The following NEBL variants were observed in gnomAD, a reference collection of about 807,000 sequenced individuals.
The protein encoded by NEBL is LIM and SH3 protein 2.
In NEBL, 122 loss-of-function variants were observed where a neutral mutation model predicts 140.2. The observed-to-expected ratio is 0.87, with a 90% CI of 0.75 to 1.01. The LOEUF (loss-of-function observed/expected upper bound fraction) is 1.01. Among genes scored for constraint, NEBL ranks in the 50% least tolerant of loss-of-function variants. The pLI, the probability that NEBL is intolerant of heterozygous loss-of-function variation, is 0.00. For missense variants in NEBL, 1,365 were observed against 1,231.3 expected, an observed-to-expected ratio of 1.11 and a Z score of -1.62; for synonymous variants, 436 against 398.9, an observed-to-expected ratio of 1.09 and a Z score of -1.11.
intron 2 of NEBL, among the ~76,000 whole-genome samples, chr10:21,076,444 C>CAAAAAAAA (rs56013237): frequency 3.4e-4 from 17 of 50,068 alleles, no homozygotes; most frequent in Admixed American, 8.5e-4. Context: ...GACTCAGTTT[C>CAAAAAAAA]AAAAAAAAAA....
At chr10:21,177,215 G>A (rs1841314532), upstream of NEBL, among the ~76,000 whole-genome samples, 2 of 152,328 alleles carry the variant, frequency 1.3e-5, no homozygotes, top group East Asian at 3.9e-4. Flanking sequence ...GTTTGCCCCT[G>A]TTCTCCCACC....
At chr10:21,203,517 T>C (rs1841776027) in intron 3 of NEBL, among the ~76,000 whole-genome samples, 1 of 152,218 alleles carries the variant, frequency 6.6e-6, no homozygotes, top group African/African-American at 2.4e-5. Flanking sequence ...ATTTTCTATT[T>C]TGGTGGAACA....
At chr10:20,817,775 A>G in intron 20 of NEBL, 83 bp from the exon 21 acceptor site, 5 of 1,132,264 alleles carry the variant, frequency 4.4e-6, no homozygotes, top group African/African-American at 1.5e-5. Flanking sequence ...CAAAATTAGC[A>G]CCATCTTTTT....
Position 20,932,008 on chromosome 10 carries a change from A to G in NEBL, c.357+29664T>C, listed in dbSNP as rs375086562. On this transcript the variant is annotated intron_variant, in intron 4 of 6. Transcript: ENST00000417816. ...AACTGGCCACACCACTCACCCATTT[A>G]CTAGAAACAATATTCTAGGAGACAT... Among the ~76,000 whole-genome samples, 17 of 152,324 alleles carry G rather than the reference A, an allele frequency of 1.1e-4. 1 individual carries two copies. In the East Asian group the frequency reaches 2.9e-3, roughly 26 times the overall value.
At chr10:21,070,824 T>C (rs117148880) in intron 2 of NEBL, among the ~76,000 whole-genome samples, 5 of 152,310 alleles carry the variant, frequency 3.3e-5, no homozygotes, top group Middle Eastern at 3.4e-3. Flanking sequence ...TAAACTGGCA[T>C]ACATGTCTAA....
chr10:21,019,330 A>G (rs757424183), intron 3 of NEBL, among the ~76,000 whole-genome samples: 1 of 152,244 alleles, frequency 6.6e-6, no homozygotes, highest in Non-Finnish European at 1.5e-5. Flanking sequence ...GGCCACAGCC[A>G]ATGAACAGAT....
chr10:21,228,648 G>C (rs1842204713), intron 3 of NEBL, among the ~76,000 whole-genome samples: 1 of 152,024 alleles, frequency 6.6e-6, no homozygotes, highest in African/African-American at 2.4e-5. Flanking sequence ...AATAAAAACA[G>C]TCATTTTTAA....
intron 3 of NEBL, among the ~76,000 whole-genome samples, chr10:20,982,919 G>C (rs1049162094): frequency 2.6e-5 from 4 of 152,118 alleles, no homozygotes; most frequent in South Asian, 4.1e-4. Context: ...TATTTAAATT[G>C]ATCACAGTAA....
intron 4 of NEBL, among the ~76,000 whole-genome samples, chr10:20,948,887 C>A (rs957502413): frequency 2.0e-5 from 3 of 152,182 alleles, no homozygotes; most frequent in African/African-American, 7.2e-5. Context: ...CCAAGAACGC[C>A]AAAGGTGGAA....
intron 2 of NEBL, among the ~76,000 whole-genome samples, chr10:21,021,233 T>C (rs957730731): frequency 5.9e-5 from 9 of 152,202 alleles, no homozygotes; most frequent in African/African-American, 2.2e-4. Flanking sequence ...CCATCTTGAC[T>C]CCATTTTTTA....
At chr10:20,947,575 A>G (rs1008972645) in intron 4 of NEBL, among the ~76,000 whole-genome samples, 8 of 152,198 alleles carry the variant, frequency 5.3e-5, no homozygotes. Context: ...TCGATGGAGT[A>G]ATCTGCAAAA....
chr10:20,920,459 T>G (rs1954224), intron 4 of NEBL, among the ~76,000 whole-genome samples: 112,670 of 152,126 alleles, frequency 0.74, 41,882 homozygotes, highest in Admixed American at 0.83. Flanking sequence ...GCTGTCAAAA[T>G]GTATAAGGCA....
chr10:20,819,285 T>G (rs904767877), intron 20 of NEBL, 139 bp downstream of exon 20: 2 of 1,369,392 alleles, frequency 1.5e-6, no homozygotes, highest in African/African-American at 2.9e-5. Flanking sequence ...TTCTCATCAT[T>G]TAGCTCTCAT....
At chr10:21,269,110 C>T (rs914384900) in intron 1 of NEBL, among the ~76,000 whole-genome samples, 5 of 152,188 alleles carry the variant, frequency 3.3e-5, no homozygotes, top group African/African-American at 9.7e-5. Flanking sequence ...CTGCTGGGCA[C>T]AACAGAGCAA....
intron 1 of NEBL, among the ~76,000 whole-genome samples, chr10:21,172,997 G>A (rs991424215): frequency 9.2e-5 from 14 of 152,310 alleles, no homozygotes; most frequent in Admixed American, 8.5e-4. Flanking sequence ...CTGTCAGGAT[G>A]GCAGCTTGTT....
intron 4 of NEBL, among the ~76,000 whole-genome samples, chr10:20,958,210 A>G (rs1029194836): frequency 2.0e-5 from 3 of 152,194 alleles, no homozygotes; most frequent in Admixed American, 2.0e-4. Context: ...TCCTCAATTC[A>G]TATTTGGACA....
intron 3 of NEBL, 118 bp from the exon 4 acceptor site, chr10:20,888,325 A>G (rs185648568): frequency 1.4e-6 from 1 of 695,008 alleles, no homozygotes; most frequent in African/African-American, 1.8e-5. Flanking sequence ...TAAAATCTGC[A>G]GACCATTTTA....
At chr10:20,880,688 T>C in intron 5 of NEBL, 106 bp downstream of exon 5, 1 of 858,664 alleles carries the variant, frequency 1.2e-6, no homozygotes. Flanking sequence ...TAAAGTCTTT[T>C]TTGAACAGGG....
chr10:20,819,618 C>A (rs1295455562), intron 19 of NEBL, 102 bp from the exon 20 acceptor site: 1 of 1,361,684 alleles, frequency 7.3e-7, no homozygotes, highest in East Asian at 2.3e-5. Context: ...ACAGAACATT[C>A]ATTAATAAGA....
Sources: allele counts gnomAD v4.1 joint callset (sites outside exome capture counted in the v4.1 genomes callset), GRCh38; gene constraint gnomAD v4.1.1; transcripts MANE v1.5; gene names NCBI Gene and HGNC (gene_info 2026-07-23, HGNC 2026-07-21).